Variants in MAP4 observed in about 807,000 individuals in gnomAD.
The protein encoded by MAP4 is microtubule-associated protein 4.
MAP4 carries 76 observed loss-of-function variants against 170.2 expected under a neutral mutation model. The observed-to-expected ratio is 0.45, with a 90% CI of 0.37 to 0.54. The LOEUF (loss-of-function observed/expected upper bound fraction) is 0.54, where lower values mean the gene tolerates loss of function less well. Among genes scored for constraint, MAP4 ranks in the 20% least tolerant of loss-of-function variants. The pLI, the probability that MAP4 is intolerant of heterozygous loss-of-function variation, is 0.00. For synonymous variants in MAP4, 909 were observed against 994.5 expected, an observed-to-expected ratio of 0.91 and a Z score of 1.62; for missense variants, 2,506 against 2,748.0, an observed-to-expected ratio of 0.91 and a Z score of 1.97.
chr3:47,903,155 A>G (rs961685892), intron 9 of MAP4, among the ~76,000 whole-genome samples, 155 bp from the exon 10 acceptor site: 1 of 152,128 alleles, frequency 6.6e-6, no homozygotes, highest in African/African-American at 2.4e-5. Flanking sequence ...CAGGGGAACA[A>G]CTAACATGGA....
At chr3:47,929,472 CAT>C (rs1332959679) in intron 3 of MAP4, among the ~76,000 whole-genome samples, 1 of 151,882 alleles carries the variant, frequency 6.6e-6, no homozygotes, top group Admixed American at 6.6e-5. Context: ...TATCTACAAA[CAT>C]AATATAATTC....
At chr3:48,029,755 T>C (rs1460579990) in intron 1 of MAP4, among the ~76,000 whole-genome samples, 3 of 152,018 alleles carry the variant, frequency 2.0e-5, no homozygotes, top group African/African-American at 7.2e-5. Context: ...ATCCCAGCAC[T>C]TTGGGAGGCC....
chr3:47,995,345 G>A (rs753747912), intron 2 of MAP4, among the ~76,000 whole-genome samples: 11 of 150,564 alleles, frequency 7.3e-5, no homozygotes, highest in Non-Finnish European at 1.5e-4. Flanking sequence ...CCGCCTCCCA[G>A]GTTCAAGTGA....
chr3:47,980,063 C>A lies in MAP4; in HGVS notation c.224-2130G>T, dbSNP rs151165198. On this transcript the variant is annotated intron_variant, in intron 2 of 20. Coordinates refer to ENST00000683076, the MANE Select transcript of MAP4 (RefSeq NM_001385682.1). Reference sequence around the variant, plus strand: ...TCCCAGACTGCTCTCAAACTCCTGACCTCAAGCAATCCTCCCACCTTGGCC... The same window carrying A: ...TCCCAGACTGCTCTCAAACTCCTGAACTCAAGCAATCCTCCCACCTTGGCC... Among the ~76,000 whole-genome samples the A allele has an allele frequency of 5.8e-3, 882 of 152,148 alleles. 9 individuals are homozygous for A. The highest frequency in any genetic ancestry group is 0.017 in the Middle Eastern group (5 of 292).
chr3:47,990,723 G>A lies in MAP4; in HGVS notation c.223+7915C>T, dbSNP rs187988128. Among the ~76,000 whole-genome samples the A allele has an allele frequency of 5.3e-5, 8 of 152,220 alleles. No homozygotes were observed. In the East Asian group the frequency reaches 1.5e-3, roughly 29 times the overall value. ...CTTCGTCATTCACATCTAAGAGAAA[G>A]GGTTCTATCTTTTGTCTCCCTCACC... On this transcript the variant is annotated intron_variant, in intron 2 of 20. Transcript: ENST00000683076.
chr3:47,869,161 A>G (rs1221185188), intron 16 of MAP4, 53 bp downstream of exon 16: 12 of 1,369,186 alleles, frequency 8.8e-6, no homozygotes, highest in Non-Finnish European at 4.2e-6. Context: ...CTCAGGCTGG[A>G]AGAAGTATTT....
intron 1 of MAP4, among the ~76,000 whole-genome samples, chr3:48,033,776 T>C (rs972976784): frequency 2.6e-5 from 4 of 152,048 alleles, no homozygotes; most frequent in Non-Finnish European, 5.9e-5. Flanking sequence ...AGTTTTTGTA[T>C]TTTTAGTAAA....
intron 2 of MAP4, among the ~76,000 whole-genome samples, chr3:47,996,848 TAA>T (rs1318850582): frequency 4.6e-5 from 7 of 151,808 alleles, no homozygotes; most frequent in Non-Finnish European, 8.8e-5. Flanking sequence ...ATTAATATGT[TAA>T]AGTCTACAGT....
chr3:47,900,258 T>C (rs551982479), intron 10 of MAP4, among the ~76,000 whole-genome samples: 1 of 152,258 alleles, frequency 6.6e-6, no homozygotes, highest in Non-Finnish European at 1.5e-5. Flanking sequence ...CATACATACA[T>C]AAAGGTAAAA....
intron 1 of MAP4, among the ~76,000 whole-genome samples, chr3:48,028,979 T>TA (rs953757461): frequency 2.1e-5 from 3 of 142,550 alleles, no homozygotes; most frequent in East Asian, 4.3e-4. Context: ...CCTGCCTCGA[T>TA]AAAAAATACA....
intron 10 of MAP4, among the ~76,000 whole-genome samples, chr3:47,890,494 C>A (rs319685): frequency 0.39 from 58,593 of 151,992 alleles, 12,669 homozygotes; most frequent in African/African-American, 0.59. Context: ...AAACGTTCTC[C>A]AAAGCAAAAA....
At chr3:47,926,657 C>T (rs974241119) in intron 4 of MAP4, among the ~76,000 whole-genome samples, 2 of 152,160 alleles carry the variant, frequency 1.3e-5, no homozygotes, top group Non-Finnish European at 2.9e-5. Context: ...ACCCCAGCCT[C>T]CCGAGTAGCT....
Position 47,912,108 on chromosome 3 carries a change from CT to C in MAP4, c.2312del (p.Lys771ArgfsTer61). ...ATCTCTTTTGCTTTGGTTTCTTCTT[CT>C]TTTTCTTCATCATTATTGGTGTGCT... ...IESTPIMMKK[K>X]KKKPKQKRYS... On this transcript the variant is annotated frameshift_variant, in exon 9 of 21. Coordinates refer to ENST00000683076, the MANE Select transcript of MAP4 (RefSeq NM_001385682.1). LOFTEE classifies it high-confidence loss of function. 1 of 1,536,134 alleles carries C rather than the reference CT, an allele frequency of 6.5e-7. No homozygotes were observed. The highest frequency in any genetic ancestry group is 8.7e-7 in the Non-Finnish European group (1 of 1,146,894).
rs747372007 is a variant in MAP4 at position 47,877,461 on chromosome 3, G to A, written c.5497C>T (p.Pro1833Ser). The A allele has an allele frequency of 6.2e-7, 1 of 1,614,002 alleles. No homozygotes were observed. Among genetic ancestry groups the A allele is most frequent in the Non-Finnish European group, 8.5e-7 (1 of 1,179,970 alleles). The change falls in exon 11 of 21, where the codon CCA becomes TCA. Residue 1833 changes from proline to serine, a missense_variant. Physicochemically the swap from Pro to Ser is moderately conservative, Grantham distance 74. Around this residue, in one of 3 missense-constraint regions of MAP4, gnomAD observed 2,008 missense variants for 2,206.0 expected, o/e 0.91. Coordinates refer to ENST00000683076, the MANE Select transcript of MAP4 (RefSeq NM_001385682.1). The part of the protein sequence containing the change: ...VSGTGNDITT[P>S]PNKELPPSPE... ...CTTGGTGGGAGCTCCTTGTTCGGTG[G>A]GGTGGTGATGTCATTTCCTGTCCCA...
chr3:47,994,733 T>C (rs2100094367), intron 2 of MAP4, among the ~76,000 whole-genome samples: 1 of 152,146 alleles, frequency 6.6e-6, no homozygotes, highest in Admixed American at 6.5e-5. Flanking sequence ...GTGGATCACC[T>C]GAGGTCAGGA....
intron 1 of MAP4, among the ~76,000 whole-genome samples, chr3:48,080,332 A>G (rs1167228583): frequency 6.6e-6 from 1 of 152,254 alleles, no homozygotes; most frequent in Non-Finnish European, 1.5e-5. Flanking sequence ...ATTTGTCTAG[A>G]TTATCTCTAA....
At chr3:47,891,286 GC>G in intron 10 of MAP4, 1 of 1,536,194 alleles carries the variant, frequency 6.5e-7, no homozygotes, top group Non-Finnish European at 8.7e-7. Flanking sequence ...TGCTGCTGTT[GC>G]TGAAGTGAGC....
chr3:47,904,412 T>G (rs974378310), intron 9 of MAP4, among the ~76,000 whole-genome samples: 7 of 151,768 alleles, frequency 4.6e-5, no homozygotes, highest in African/African-American at 1.7e-4. Context: ...GCCTCCTAGG[T>G]TCAAGAAATT....
At position 47,918,715 on chromosome 3, in the gene MAP4, T is replaced by C; in HGVS notation, c.652+4A>G. 1 of 1,607,144 alleles carries C rather than the reference T, an allele frequency of 6.2e-7. No homozygotes were observed. Among genetic ancestry groups the C allele is most frequent in the Non-Finnish European group, 8.5e-7 (1 of 1,174,050 alleles). On this transcript the variant is annotated splice_donor_region_variant and intron_variant, in intron 6 of 20. Coordinates refer to ENST00000683076, the MANE Select transcript of MAP4 (RefSeq NM_001385682.1). ...ACTGATAAAGGGAGTCTCTAATAGTTTACCTGCCGTTGGCTGAGGAGGTTC... is the reference window on the plus strand; with the variant it reads ...ACTGATAAAGGGAGTCTCTAATAGTCTACCTGCCGTTGGCTGAGGAGGTTC...
Sources: allele counts gnomAD v4.1 joint callset (sites outside exome capture counted in the v4.1 genomes callset), GRCh38; gene constraint gnomAD v4.1.1; regional missense constraint gnomAD v4.1.1; transcripts MANE v1.5; gene names NCBI Gene and HGNC (gene_info 2026-07-23, HGNC 2026-07-21).